COL22A1: variants seen among roughly 807,000 people sequenced by gnomAD.
COL22A1 encodes collagen type XXII alpha 1 chain, also known as collagen alpha-1(XXII) chain.
In COL22A1, 221 loss-of-function variants were observed where a neutral mutation model predicts 248.9. The observed-to-expected ratio is 0.89, with a 90% CI of 0.80 to 0.99. The LOEUF is 0.99. COL22A1 is among the 50% of genes least tolerant of loss of function. The pLI, the probability that COL22A1 is intolerant of heterozygous loss-of-function variation, is 0.00. For missense variants in COL22A1, 2,240 were observed against 2,179.0 expected (o/e 1.03, Z -0.56); for synonymous variants, 891 against 793.4 (o/e 1.12, Z -2.07).
intron 12 of COL22A1, among the ~76,000 whole-genome samples, chr8:138,790,979 C>T (rs1008588967): frequency 6.6e-6 from 1 of 152,212 alleles, no homozygotes; most frequent in Non-Finnish European, 1.5e-5. Context: ...GCTATGATTT[C>T]AAGCAAGCCA....
intron 22 of COL22A1, among the ~76,000 whole-genome samples, chr8:138,739,340 G>T (rs548491757): frequency 6.6e-6 from 1 of 152,210 alleles, no homozygotes; most frequent in Non-Finnish European, 1.5e-5. Context: ...GTTTCCTTCT[G>T]CCTGGGTTTG....
chr8:138,759,970 A>T (rs188808275), intron 18 of COL22A1, among the ~76,000 whole-genome samples: 3 of 151,852 alleles, frequency 2.0e-5, no homozygotes, highest in African/African-American at 7.2e-5. Flanking sequence ...AATATTATAT[A>T]ACAGAACTTT....
Position 138,724,614 on chromosome 8 carries a change from C to T in COL22A1, c.2247+1G>A. The T allele has an allele frequency of 6.2e-7, 1 of 1,614,084 alleles. No individual in the cohort carries two copies. On this transcript the variant is annotated splice_donor_variant, in intron 25 of 64. Coordinates refer to ENST00000303045, the MANE Select transcript of COL22A1 (RefSeq NM_152888.3). LOFTEE classifies it high-confidence loss of function. ...GCAGGAAGATGTTTCCGAACACTCA[C>T]CGTGGGCCCAGGAGGTCCAGGCTTT...
chr8:138,619,356 C>G, intron 53 of COL22A1, 99 bp downstream of exon 53: 1 of 1,055,708 alleles, frequency 9.5e-7, no homozygotes. Flanking sequence ...TTCTAGGACC[C>G]CACGGTTGGG....
chr8:138,910,295 C>T (rs114139706), intron 1 of COL22A1, among the ~76,000 whole-genome samples: 113 of 152,324 alleles, frequency 7.4e-4, no homozygotes, highest in African/African-American at 2.7e-3. Flanking sequence ...TTCTTCCCCT[C>T]AACATACACA....
chr8:138,729,529 G>A lies in COL22A1; in HGVS notation c.2140-4089C>T, dbSNP rs116109206. On this transcript the variant is annotated intron_variant, in intron 23 of 64. Transcript: ENST00000303045. ...CCAGTCATTAAACCTAGCAACTGCCGTAGCCATTTACAGAGAGAGAGAAGC... is the reference window on the plus strand; with the variant it reads ...CCAGTCATTAAACCTAGCAACTGCCATAGCCATTTACAGAGAGAGAGAAGC... Among the ~76,000 whole-genome samples, 1,077 of 152,306 alleles carry A rather than the reference G, an allele frequency of 7.1e-3. 22 individuals are homozygous for A. Among genetic ancestry groups the A allele is most frequent in the African/African-American group, 0.024 (1,012 of 41,558 alleles).
chr8:138,854,157 G>A (rs755750460), intron 3 of COL22A1, among the ~76,000 whole-genome samples: 30 of 152,290 alleles, frequency 2.0e-4, no homozygotes, highest in East Asian at 1.5e-3. Context: ...ATATGCCATC[G>A]TGACTGTGGG....
chr8:138,709,989 C>T (rs1369207918), intron 30 of COL22A1, among the ~76,000 whole-genome samples: 1 of 152,164 alleles, frequency 6.6e-6, no homozygotes, highest in African/African-American at 2.4e-5. Flanking sequence ...GGAGTGGGCT[C>T]TTCTCAGGAA....
chr8:138,668,527 G>A (rs542647488), intron 41 of COL22A1, among the ~76,000 whole-genome samples: 117 of 152,308 alleles, frequency 7.7e-4, no homozygotes, highest in African/African-American at 2.6e-3. Context: ...AGCCGCATAT[G>A]GCTTTAGATA....
intron 1 of COL22A1, among the ~76,000 whole-genome samples, chr8:138,899,420 C>A (rs539656574): frequency 1.1e-4 from 17 of 152,286 alleles, no homozygotes; most frequent in African/African-American, 3.9e-4. Context: ...AGACACAATA[C>A]CCTCAAGGGT....
chr8:138,873,315 G>C (rs1823478003), intron 3 of COL22A1, among the ~76,000 whole-genome samples: 2 of 151,730 alleles, frequency 1.3e-5, no homozygotes, highest in Admixed American at 6.6e-5. Context: ...TTTCAGATTT[G>C]CTTCATGTTC....
At chr8:138,614,683 G>A (rs770111932) in intron 55 of COL22A1, among the ~76,000 whole-genome samples, 28 of 147,802 alleles carry the variant, frequency 1.9e-4, no homozygotes, top group East Asian at 6.5e-4. Flanking sequence ...ACTGTATCAC[G>A]ATTCTCAAGC....
intron 41 of COL22A1, among the ~76,000 whole-genome samples, chr8:138,672,293 G>A (rs765218033): frequency 3.9e-5 from 6 of 152,226 alleles, no homozygotes; most frequent in Non-Finnish European, 1.5e-5. Flanking sequence ...AGATAAATGA[G>A]AGGTAGACAT....
At chr8:138,665,227 GC>G (rs1824395628) in intron 41 of COL22A1, among the ~76,000 whole-genome samples, 1 of 152,210 alleles carries the variant, frequency 6.6e-6, no homozygotes, top group South Asian at 2.1e-4. Flanking sequence ...ACACAGACCT[GC>G]CCTGGAGGGG....
intron 37 of COL22A1, among the ~76,000 whole-genome samples, chr8:138,686,654 C>G (rs1250641075): frequency 1.3e-5 from 2 of 148,296 alleles, no homozygotes; most frequent in Admixed American, 1.3e-4. Context: ...GGCCCTCAGC[C>G]TGGGCCTCTG....
intron 61 of COL22A1, among the ~76,000 whole-genome samples, chr8:138,598,079 C>T (rs182863420): frequency 6.6e-6 from 1 of 152,350 alleles, no homozygotes; most frequent in East Asian, 1.9e-4. Flanking sequence ...CATGGACTTC[C>T]ACCAGGGGAT....
At chr8:138,773,214 G>T (rs1324184744) in intron 16 of COL22A1, among the ~76,000 whole-genome samples, 1 of 152,192 alleles carries the variant, frequency 6.6e-6, no homozygotes, top group East Asian at 1.9e-4. Context: ...ACAGGCCCCT[G>T]AGTGGCCTTC....
At chr8:138,729,621 T>C (rs1479227663) in intron 23 of COL22A1, among the ~76,000 whole-genome samples, 1 of 152,012 alleles carries the variant, frequency 6.6e-6, no homozygotes, top group Non-Finnish European at 1.5e-5. Context: ...ACAAAAAGGG[T>C]GAGGTGATTT....
At chr8:138,868,663 A>G (rs548386391) in intron 3 of COL22A1, among the ~76,000 whole-genome samples, 49 of 152,294 alleles carry the variant, frequency 3.2e-4, no homozygotes, top group Non-Finnish European at 5.6e-4. Context: ...CACTGTATCA[A>G]GAGTTCCCCA....
Sources: allele counts gnomAD v4.1 joint callset (sites outside exome capture counted in the v4.1 genomes callset), GRCh38; gene constraint gnomAD v4.1.1; transcripts MANE v1.5; gene names NCBI Gene and HGNC (gene_info 2026-07-23, HGNC 2026-07-21).